Variants in ZIM2 observed in about 807,000 individuals in gnomAD.
ZIM2 encodes zinc finger protein 656.
A neutral mutation model predicts 38.6 loss-of-function variants in ZIM2; 14 were observed. The observed-to-expected ratio is 0.36, with a 90% confidence interval of 0.24 to 0.57. The LOEUF (loss-of-function observed/expected upper bound fraction) is 0.57, where lower values mean the gene tolerates loss of function less well. Among genes scored for constraint, ZIM2 ranks in the 20% least tolerant of loss-of-function variants. The pLI is 0.81. For missense variants in ZIM2, 680 were observed against 695.1 expected (o/e 0.98, Z 0.24); for synonymous variants, 247 against 245.8 (o/e 1.00, Z -0.04).
At position 56,781,942 on chromosome 19, in the gene ZIM2, G is replaced by T; in HGVS notation, c.739+11C>A. 1 of 1,612,230 alleles carries T rather than the reference G, an allele frequency of 6.2e-7. No homozygotes were observed. Among genetic ancestry groups the T allele is most frequent in the South Asian group, 1.1e-5 (1 of 90,926 alleles). On this transcript the variant is annotated intron_variant, in intron 11 of 12. Coordinates refer to ENST00000629319, the MANE Select transcript of ZIM2 (RefSeq NM_001387356.1). ...GGAAGAAACCAAGTCCTGTGGAGAA[G>T]GCATACTTACCCAGGGAGACCAGGT...
chr19:56,838,385 C>T (rs1433015616), intron 1 of ZIM2, among the ~76,000 whole-genome samples: 3 of 152,190 alleles, frequency 2.0e-5, no homozygotes. Flanking sequence ...ACAGACAGTA[C>T]CGTAGAGGCG....
Position 56,811,259 on chromosome 19 carries a change from A to C in ZIM2, c.490+6487T>G, listed in dbSNP as rs144123248. The stretch of plus-strand genomic sequence containing the variant: ...GCTCAACTATAAGCCTACAACAACA[A>C]CACCACAACAGCTTTTGACTATAAG... On this transcript the variant is annotated intron_variant, in intron 9 of 12. Coordinates refer to ENST00000629319, the MANE Select transcript of ZIM2 (RefSeq NM_001387356.1). 998 of 942,138 alleles carry C rather than the reference A, an allele frequency of 1.1e-3. 2 individuals are homozygous for C. The highest frequency in any genetic ancestry group is 1.2e-3 in the Non-Finnish European group (931 of 790,776). 58.4% of individuals were successfully genotyped at this position (942,138 alleles called of 1,614,324 possible). A position where few individuals can be genotyped will look rare whatever the true frequency, so the allele number is the denominator to read the frequency against.
intron 1 of ZIM2, 143 bp from the exon 2 acceptor site, chr19:56,836,247 G>A (rs2062087381): frequency 2.8e-6 from 1 of 358,398 alleles, no homozygotes; most frequent in Admixed American, 3.4e-5. Flanking sequence ...ATCCCATCCA[G>A]GATGAATGGC....
At chr19:56,810,315 GGACTACCAAAACACTA>G in intron 9 of ZIM2, 1 of 983,126 alleles carries the variant, frequency 1.0e-6, no homozygotes, top group Non-Finnish European at 1.2e-6. Context: ...TAGTAAAGGT[GGACTACCAAAACACTA>G]GAATGATGAC....
chr19:56,830,047 G>A (rs1196653018), intron 2 of ZIM2, among the ~76,000 whole-genome samples: 3 of 152,142 alleles, frequency 2.0e-5, no homozygotes, highest in African/African-American at 7.2e-5. Flanking sequence ...GCCTAAACGG[G>A]CCATCAATAA....
At chr19:56,792,530 CAAAAAAAAA>C (rs1215431208) in intron 9 of ZIM2, among the ~76,000 whole-genome samples, 41 of 20,958 alleles carry the variant, frequency 2.0e-3, no homozygotes, top group African/African-American at 2.3e-3. Context: ...GACTCTGTCT[CAAAAAAAAA>C]AAAAAAAAAA....
chr19:56,813,462 C>T lies in ZIM2; in HGVS notation c.490+4284G>A, dbSNP rs10422611. On this transcript the variant is annotated intron_variant, in intron 9 of 12. Coordinates refer to ENST00000629319, the MANE Select transcript of ZIM2 (RefSeq NM_001387356.1). The stretch of plus-strand genomic sequence containing the variant: ...TAAGATGTGTGCTATGGCTTTCCCA[C>T]ATGCAGACACTGACATCTGAAGGGG... 4.5e-3 allele frequency: 6,288 copies of T among 1,386,316 alleles called. 239 individuals carry two copies. The African/African-American group carries it at 0.079, about 17-fold the overall frequency. 85.9% of individuals were successfully genotyped at this position (1,386,316 alleles called of 1,614,324 possible). A position where few individuals can be genotyped will look rare whatever the true frequency, so the allele number is the denominator to read the frequency against.
chr19:56,822,776 G>A lies in ZIM2; in HGVS notation c.167C>T (p.Ser56Phe), dbSNP rs752152992. ...ACTGCTTCTTGGGTTCCTGGTGTGG[G>A]ACCAGCGGTCTCGTGGCTCCATGTC... is the stretch of plus-strand genomic sequence containing the variant. ...SRDMEPRDRW[S>F]HTRNPRSRMP... Residue 56 changes from serine (S) to phenylalanine (F), a missense_variant, in exon 6 of 13, where the codon TCC becomes TTC. Coordinates refer to ENST00000629319, the MANE Select transcript of ZIM2 (RefSeq NM_001387356.1). 3 of 1,614,104 alleles carry A rather than the reference G, an allele frequency of 1.9e-6. No individual in the cohort carries two copies. Among genetic ancestry groups the A allele is most frequent in the Non-Finnish European group, 2.5e-6 (3 of 1,180,016 alleles).
Position 56,810,647 on chromosome 19 carries a change from A to C in ZIM2, c.490+7099T>G, listed in dbSNP as rs2048072513. 3 of 953,598 alleles carry C rather than the reference A, an allele frequency of 3.1e-6. No individual in the cohort carries two copies. The African/African-American group carries it at 5.3e-5, about 17-fold the overall frequency. 59.1% of individuals were successfully genotyped at this position (953,598 alleles called of 1,614,324 possible). A position where few individuals can be genotyped will look rare whatever the true frequency, so the allele number is the denominator to read the frequency against. On this transcript the variant is annotated intron_variant, in intron 9 of 12. Transcript: ENST00000629319. ...AGATTATTTAAGGAATTTGAGACAAAATATTTAACCAAATTCCCACAATGA... is the reference window on the plus strand; with the variant it reads ...AGATTATTTAAGGAATTTGAGACAACATATTTAACCAAATTCCCACAATGA...
At chr19:56,816,140 C>T in intron 9 of ZIM2, 1 of 1,613,718 alleles carries the variant, frequency 6.2e-7, no homozygotes, top group Non-Finnish European at 8.5e-7. Context: ...GCCTCATAGA[C>T]ATTTTCCTTA....
intron 10 of ZIM2, among the ~76,000 whole-genome samples, chr19:56,785,602 C>T (rs975094320): frequency 6.6e-6 from 1 of 152,138 alleles, no homozygotes; most frequent in Non-Finnish European, 1.5e-5. Flanking sequence ...TGTTAAAGGC[C>T]TACAATAAGC....
intron 9 of ZIM2, among the ~76,000 whole-genome samples, chr19:56,807,507 A>G (rs1278261989): frequency 1.3e-5 from 2 of 152,214 alleles, no homozygotes; most frequent in African/African-American, 4.8e-5. Context: ...CAGGGCAACA[A>G]CAACAAAAAA....
At chr19:56,797,025 G>A (rs991406850) in intron 9 of ZIM2, among the ~76,000 whole-genome samples, 1 of 150,562 alleles carries the variant, frequency 6.6e-6, no homozygotes, top group Non-Finnish European at 1.5e-5. Flanking sequence ...CAGGCACGGT[G>A]GCTCAGCCAG....
intron 9 of ZIM2, 133 bp downstream of exon 9, chr19:56,817,613 G>T (rs776891743): frequency 1.9e-6 from 3 of 1,555,340 alleles, no homozygotes; most frequent in Non-Finnish European, 1.8e-6. Context: ...ATACTCCCTA[G>T]TCCCCATAAG....
At chr19:56,816,063 T>C (rs1447352164) in intron 9 of ZIM2, 1 of 1,603,186 alleles carries the variant, frequency 6.2e-7, no homozygotes, top group African/African-American at 1.3e-5. Context: ...TGGGCCCTGC[T>C]ACACTGTGAC....
intron 9 of ZIM2, among the ~76,000 whole-genome samples, chr19:56,800,746 T>C (rs534443563): frequency 1.4e-4 from 22 of 152,250 alleles, no homozygotes; most frequent in African/African-American, 4.3e-4. Context: ...AGAGGTATGA[T>C]AGAACAAATC....
chr19:56,790,386 C>A (rs1478068449), intron 9 of ZIM2, among the ~76,000 whole-genome samples: 2 of 152,122 alleles, frequency 1.3e-5, no homozygotes, highest in African/African-American at 2.4e-5. Context: ...TGGAAAATTC[C>A]AGAAATAAAT....
intron 9 of ZIM2, chr19:56,811,242 A>G (rs751235428): frequency 1.7e-4 from 160 of 960,738 alleles, no homozygotes; most frequent in Non-Finnish European, 1.8e-4. Flanking sequence ...ATGCTCAACT[A>G]TAAGCCTACA....
intron 1 of ZIM2, among the ~76,000 whole-genome samples, chr19:56,839,202 C>T (rs1460739144): frequency 1.3e-5 from 2 of 152,136 alleles, no homozygotes; most frequent in East Asian, 1.9e-4. Context: ...AGCCTTGCCC[C>T]GCCCCATCTG....
Sources: gnomAD v4.1 joint callset for allele counts (sites outside exome capture counted in the v4.1 genomes callset) on GRCh38, gnomAD v4.1.1 for gene constraint, MANE v1.5 for transcripts, NCBI Gene and HGNC (gene_info 2026-07-23, HGNC 2026-07-21) for gene names.